Variants in FOXP1 observed in about 807,000 individuals in gnomAD.
FOXP1 encodes forkhead box protein P1.
In FOXP1, 15 loss-of-function variants were observed where a neutral mutation model predicts 98.2. That is an observed-to-expected ratio of 0.15 (90% CI 0.10 to 0.24). The LOEUF (loss-of-function observed/expected upper bound fraction) is 0.24. FOXP1 is among the 10% of genes least tolerant of loss of function. The probability of loss-of-function intolerance (pLI) is 1.00; values close to 1 mark genes in which losing one functional copy is unlikely to be tolerated. For missense variants in FOXP1, 633 were observed against 848.5 expected (o/e 0.75, Z 3.15); for synonymous variants, 371 against 314.5 (o/e 1.18, Z -1.90).
rs547725933 is a variant in FOXP1 at position 71,557,948 on chromosome 3, C to G, written c.-298+23601G>C. Among the ~76,000 whole-genome samples the G allele has an allele frequency of 2.0e-5, 3 of 152,290 alleles. 1 individual carries two copies. The South Asian group carries it at 6.2e-4, about 32-fold the overall frequency. ...TCTCCTGCCTCAGCCTCCTAAGTAGCTGGAATTATAGGCATGAGCCACCAC... is the reference window on the plus strand; with the variant it reads ...TCTCCTGCCTCAGCCTCCTAAGTAGGTGGAATTATAGGCATGAGCCACCAC... On this transcript the variant is annotated intron_variant, in intron 2 of 20. Coordinates refer to ENST00000649528, the MANE Select transcript of FOXP1 (RefSeq NM_001349338.3).
intron 3 of FOXP1, among the ~76,000 whole-genome samples, chr3:71,440,665 C>T (rs1308125193): frequency 6.7e-6 from 1 of 149,388 alleles, no homozygotes; most frequent in Non-Finnish European, 1.5e-5. Flanking sequence ...CACTGCACTC[C>T]AGCCTGGGTG....
chr3:71,416,618 G>C (rs2083247359), intron 3 of FOXP1, among the ~76,000 whole-genome samples: 1 of 151,330 alleles, frequency 6.6e-6, no homozygotes, highest in Non-Finnish European at 1.5e-5. Flanking sequence ...CGTATGGTCA[G>C]ATAGGTCAGG....
chr3:71,095,448 A>G (rs1207073256), intron 7 of FOXP1, among the ~76,000 whole-genome samples: 1 of 152,250 alleles, frequency 6.6e-6, no homozygotes, highest in Admixed American at 6.5e-5. Flanking sequence ...CTATTTGTTA[A>G]AAGCCAAATG....
intron 4 of FOXP1, among the ~76,000 whole-genome samples, chr3:71,357,882 AG>A (rs1275202813): frequency 1.3e-5 from 2 of 152,238 alleles, no homozygotes; most frequent in African/African-American, 2.4e-5. Context: ...CTCTCTTACT[AG>A]AAAACAATTC....
chr3:71,024,306 C>T lies in FOXP1; in HGVS notation c.870-8653G>A, dbSNP rs191487583. Among the ~76,000 whole-genome samples the T allele has an allele frequency of 1.4e-4, 21 of 152,258 alleles. 1 individual carries two copies. Among genetic ancestry groups the T allele is most frequent in the African/African-American group, 4.6e-4 (19 of 41,536 alleles). On this transcript the variant is annotated intron_variant, in intron 11 of 20. Coordinates refer to ENST00000649528, the MANE Select transcript of FOXP1 (RefSeq NM_001349338.3). The stretch of plus-strand genomic sequence containing the variant: ...AGCAGATGGGCTTCTTATTTCACAC[C>T]GAAGAGTTGGGAGACAACTTAGACA...
rs753668188 is a variant in FOXP1 at position 70,958,572 on chromosome 3, AAG to A, written c.*673_*674del. ...AAGGTACAGAAAACTTTAAGCCTCC[AAG>A]AGGCCATCGGCCCAAATGGAGGCCT... On this transcript the variant is annotated 3_prime_UTR_variant, in exon 21 of 21. Coordinates refer to ENST00000649528, the MANE Select transcript of FOXP1 (RefSeq NM_001349338.3). 3.7e-5 allele frequency: 9 copies of A among 246,548 alleles called. No homozygotes were observed. Among genetic ancestry groups the A allele is most frequent in the Non-Finnish European group, 7.1e-5 (9 of 126,450 alleles). 15.3% of individuals were successfully genotyped at this position (246,548 alleles called of 1,614,324 possible).
rs142460929 is a variant in FOXP1, at chr3:71,369,514, C to G, written c.-167-10270G>C. 6.8e-3 allele frequency among the ~76,000 whole-genome samples: 1,042 copies of G among 152,326 alleles called. 29 individuals carry two copies. Among genetic ancestry groups the G allele is most frequent in the Non-Finnish European group, 4.0e-3 (270 of 68,026 alleles). ...GGTTCAAGCGATTCTCCTGCCTCAG[C>G]CTCCTAAGTAGCTGGGATTATAGGC... On this transcript the variant is annotated intron_variant, in intron 3 of 20. Coordinates refer to ENST00000649528, the MANE Select transcript of FOXP1 (RefSeq NM_001349338.3).
At chr3:71,046,895 A>G (rs2106970962) in intron 10 of FOXP1, 47 bp downstream of exon 10, 1 of 1,608,724 alleles carries the variant, frequency 6.2e-7, no homozygotes, top group Non-Finnish European at 8.5e-7. Context: ...CACCACCTCC[A>G]CCCAAAGTCT....
At chr3:71,147,636 C>A (rs2060373473) in intron 6 of FOXP1, among the ~76,000 whole-genome samples, 1 of 152,172 alleles carries the variant, frequency 6.6e-6, no homozygotes, top group African/African-American at 2.4e-5. Flanking sequence ...TCTCTCTCTA[C>A]TGGATTGAAA....
In FOXP1 at chr3:71,085,484, T is replaced by C. The variant is rs75541776; in HGVS notation, c.282+27052A>G. Among the ~76,000 whole-genome samples the C allele has an allele frequency of 4.6e-5, 7 of 152,132 alleles. No individual in the cohort carries two copies. In the East Asian group the frequency reaches 1.4e-3, roughly 29 times the overall value. On this transcript the variant is annotated intron_variant, in intron 7 of 20. Coordinates refer to ENST00000649528, the MANE Select transcript of FOXP1 (RefSeq NM_001349338.3). Reference sequence around the variant, plus strand: ...CTTTTTTTACTTCACCCCATTAATATTTAGTATCCCAAAGTTTCATTTATT... The same window carrying C: ...CTTTTTTTACTTCACCCCATTAATACTTAGTATCCCAAAGTTTCATTTATT...
chr3:71,266,247 ATTTG>A lies in FOXP1; in HGVS notation c.-12+33569_-12+33572del, dbSNP rs538539648. 3.0e-4 allele frequency among the ~76,000 whole-genome samples: 45 copies of A among 149,572 alleles called. No homozygotes were observed. In the East Asian group the frequency reaches 7.9e-3, roughly 26 times the overall value. On this transcript the variant is annotated intron_variant, in intron 5 of 20. Transcript: ENST00000649528. ...TTTGGACTTTTGTTTATTTTTTTAA[ATTTG>A]TTTATTTTTTTTGAGACAGAGTCTC...
At chr3:71,270,986 T>A (rs1401032787) in intron 5 of FOXP1, among the ~76,000 whole-genome samples, 2 of 152,224 alleles carry the variant, frequency 1.3e-5, no homozygotes, top group Non-Finnish European at 2.9e-5. Flanking sequence ...ATTCCAGCAC[T>A]TTGGGAGGCC....
chr3:71,581,788 C>A (rs2048190642), intron 1 of FOXP1, 91 bp from the exon 2 acceptor site: 1 of 985,624 alleles, frequency 1.0e-6, no homozygotes. Context: ...GTGAGTAGGC[C>A]GAGGGGCCAG....
intron 4 of FOXP1, among the ~76,000 whole-genome samples, chr3:71,318,602 A>G (rs539282811): frequency 6.6e-6 from 1 of 152,230 alleles, no homozygotes; most frequent in Admixed American, 6.5e-5. Context: ...AAAATCACTT[A>G]GCACATCTTC....
chr3:71,515,283 A>C (rs1431958548), intron 2 of FOXP1, among the ~76,000 whole-genome samples: 1 of 152,014 alleles, frequency 6.6e-6, no homozygotes, highest in Non-Finnish European at 1.5e-5. Flanking sequence ...TGCTATGTGG[A>C]CCAGTATCTC....
intron 3 of FOXP1, among the ~76,000 whole-genome samples, chr3:71,481,535 C>A (rs1195338398): frequency 6.6e-6 from 1 of 152,222 alleles, no homozygotes; most frequent in Non-Finnish European, 1.5e-5. Context: ...CTCTCTCCCA[C>A]TTCCTACCTT....
Position 71,396,948 on chromosome 3 carries a change from GTGTATATATATATA to G in FOXP1, c.-167-37718_-167-37705del, listed in dbSNP as rs1560424056. Among the ~76,000 whole-genome samples the G allele has an allele frequency of 3.1e-4, 19 of 61,766 alleles. 5 individuals carry two copies. Among genetic ancestry groups the G allele is most frequent in the Admixed American group, 5.9e-4 (4 of 6,764 alleles). The allele number at this position is 61,766 out of a possible 152,430, so 40.5% of individuals were successfully genotyped here. ...TATATATATATACACATATATATAT[GTGTATATATATATA>G]TGTGTGTATATATATATATGTGTAT... On this transcript the variant is annotated intron_variant, in intron 3 of 20. Coordinates refer to ENST00000649528, the MANE Select transcript of FOXP1 (RefSeq NM_001349338.3).
intron 4 of FOXP1, among the ~76,000 whole-genome samples, chr3:71,318,988 CAGAAT>C (rs78690291): frequency 1.2e-4 from 19 of 152,138 alleles, no homozygotes; most frequent in Non-Finnish European, 2.4e-4. Flanking sequence ...CATTCATAAA[CAGAAT>C]AGAATTACAG....
intron 6 of FOXP1, among the ~76,000 whole-genome samples, chr3:71,124,328 A>ATT (rs553574613): frequency 6.8e-6 from 1 of 147,314 alleles, no homozygotes; most frequent in Non-Finnish European, 1.5e-5. Flanking sequence ...TATGCTTACA[A>ATT]TTTTTTTTTT....
Sources: allele counts gnomAD v4.1 joint callset (sites outside exome capture counted in the v4.1 genomes callset), GRCh38; gene constraint gnomAD v4.1.1; transcripts MANE v1.5; gene names NCBI Gene and HGNC (gene_info 2026-07-23, HGNC 2026-07-21).